HS3ST5: variants seen among roughly 807,000 people sequenced by gnomAD.
HS3ST5 encodes heparan sulfate glucosamine 3-O-sulfotransferase 5.
Under a neutral mutation model 25.4 loss-of-function variants are expected in HS3ST5, and 10 were observed. The ratio of observed to expected loss-of-function variants is 0.39; its 90% CI spans 0.24 to 0.67. The LOEUF (loss-of-function observed/expected upper bound fraction) is 0.67. HS3ST5 is among the 30% of genes least tolerant of loss of function. HS3ST5 has a pLI of 0.44. For missense variants in HS3ST5, 324 were observed against 420.7 expected (o/e 0.77, Z 2.01); for synonymous variants, 170 against 162.4 (o/e 1.05, Z -0.36).
At chr6:114,265,598 A>T (rs1773372055) in intron 1 of HS3ST5, among the ~76,000 whole-genome samples, 1 of 152,188 alleles carries the variant, frequency 6.6e-6, no homozygotes, top group African/African-American at 2.4e-5. Flanking sequence ...CAAGTTTTTA[A>T]GCAAGCAAGA....
chr6:114,314,993 A>C (rs1483440990), intron 1 of HS3ST5, among the ~76,000 whole-genome samples: 4 of 152,194 alleles, frequency 2.6e-5, no homozygotes, highest in African/African-American at 9.6e-5. Context: ...AGTAAGATTA[A>C]AATTAACATA....
chr6:114,058,823 T>C (rs1470302225), intron 4 of HS3ST5: 1 of 106,278 alleles, frequency 9.4e-6, no homozygotes, highest in Non-Finnish European at 1.9e-5. Context: ...CTTCTGCCTC[T>C]CTTTCTCTTT....
At chr6:114,073,237 A>G (rs1437388063) in intron 3 of HS3ST5, among the ~76,000 whole-genome samples, 4 of 152,210 alleles carry the variant, frequency 2.6e-5, no homozygotes, top group African/African-American at 9.6e-5. Context: ...ATGGGCAAAG[A>G]CTTCATGACT....
chr6:114,078,389 T>C (rs541502663), intron 3 of HS3ST5, among the ~76,000 whole-genome samples: 1 of 152,172 alleles, frequency 6.6e-6, no homozygotes, highest in African/African-American at 2.4e-5. Flanking sequence ...GTATTTTTTT[T>C]AGTAGAGACG....
At chr6:114,102,704 T>C (rs1775793125) in intron 3 of HS3ST5, among the ~76,000 whole-genome samples, 1 of 152,188 alleles carries the variant, frequency 6.6e-6, no homozygotes, top group Non-Finnish European at 1.5e-5. Flanking sequence ...ATAATCTTAG[T>C]TCAAACTCCA....
chr6:114,155,032 C>G (rs1285836677), intron 3 of HS3ST5, among the ~76,000 whole-genome samples: 1 of 152,192 alleles, frequency 6.6e-6, no homozygotes, highest in Non-Finnish European at 1.5e-5. Flanking sequence ...GCCATGCATT[C>G]TGTGCACTGC....
intron 2 of HS3ST5, among the ~76,000 whole-genome samples, chr6:114,188,358 G>A (rs1220396248): frequency 6.6e-6 from 1 of 152,188 alleles, no homozygotes; most frequent in South Asian, 2.1e-4. Flanking sequence ...ACAATTGATA[G>A]TTACATGTTT....
intron 3 of HS3ST5, among the ~76,000 whole-genome samples, chr6:114,107,619 CTG>C (rs1341860403): frequency 6.6e-6 from 1 of 152,126 alleles, no homozygotes; most frequent in African/African-American, 2.4e-5. Context: ...CATAGAAAGA[CTG>C]ATGGAATTTA....
At chr6:114,060,729 A>G (rs1309456858) in intron 4 of HS3ST5, among the ~76,000 whole-genome samples, 1 of 152,146 alleles carries the variant, frequency 6.6e-6, no homozygotes, top group Non-Finnish European at 1.5e-5. Context: ...GAATTTCCCC[A>G]CTTGTAGAAA....
At chr6:114,100,280 C>G (rs530997441) in intron 3 of HS3ST5, among the ~76,000 whole-genome samples, 1 of 152,000 alleles carries the variant, frequency 6.6e-6, no homozygotes, top group Admixed American at 6.6e-5. Flanking sequence ...ACGTTCTCCA[C>G]GCAGAGATTG....
chr6:114,085,869 A>C (rs574203203), intron 3 of HS3ST5, among the ~76,000 whole-genome samples: 21 of 151,772 alleles, frequency 1.4e-4, no homozygotes, highest in African/African-American at 4.8e-4. Flanking sequence ...CTATTCTACC[A>C]TACTATCAGA....
At chr6:114,174,373 G>A (rs1779617431) in intron 2 of HS3ST5, among the ~76,000 whole-genome samples, 2 of 151,992 alleles carry the variant, frequency 1.3e-5, no homozygotes, top group African/African-American at 4.8e-5. Context: ...CCACCAGAGT[G>A]TAAGCAGCAT....
intron 1 of HS3ST5, among the ~76,000 whole-genome samples, chr6:114,285,970 C>A (rs1774321744): frequency 6.6e-6 from 1 of 151,582 alleles, no homozygotes; most frequent in Non-Finnish European, 1.5e-5. Context: ...CAGTCTGATC[C>A]CATTTATTAA....
chr6:114,069,396 G>A (rs758706709), intron 3 of HS3ST5, among the ~76,000 whole-genome samples: 8 of 151,688 alleles, frequency 5.3e-5, no homozygotes, highest in Admixed American at 4.6e-4. Flanking sequence ...TTTTACCCAA[G>A]GGCTGTGGTT....
At chr6:114,161,453 T>C (rs975862541) in intron 3 of HS3ST5, among the ~76,000 whole-genome samples, 3 of 140,950 alleles carry the variant, frequency 2.1e-5, no homozygotes, top group Non-Finnish European at 4.6e-5. Context: ...GAAGCCATGA[T>C]ATGTTTTACC....
At chr6:114,319,145 C>T (rs2114872531) in intron 1 of HS3ST5, among the ~76,000 whole-genome samples, 1 of 152,246 alleles carries the variant, frequency 6.6e-6, no homozygotes. Flanking sequence ...AGTTTACTTA[C>T]ATGTTTCTGA....
At chr6:114,320,671 G>T (rs1775929016) in intron 1 of HS3ST5, among the ~76,000 whole-genome samples, 1 of 151,914 alleles carries the variant, frequency 6.6e-6, no homozygotes, top group Non-Finnish European at 1.5e-5. Flanking sequence ...GGAAGCTCTG[G>T]CCAGGTAGAG....
intron 2 of HS3ST5, among the ~76,000 whole-genome samples, chr6:114,196,573 T>C (rs1333131740): frequency 6.6e-6 from 1 of 151,784 alleles, no homozygotes; most frequent in Non-Finnish European, 1.5e-5. Context: ...GGAGCGGCCC[T>C]CGTGAAGTCT....
intron 3 of HS3ST5, among the ~76,000 whole-genome samples, chr6:114,160,198 T>C (rs1485101846): frequency 6.6e-6 from 1 of 152,064 alleles, no homozygotes; most frequent in East Asian, 1.9e-4. Context: ...GAAGATAGTA[T>C]ACAGGGTACT....
Sources: gnomAD v4.1 joint callset for allele counts (sites outside exome capture counted in the v4.1 genomes callset) on GRCh38, gnomAD v4.1.1 for gene constraint, MANE v1.5 for transcripts, NCBI Gene and HGNC (gene_info 2026-07-23, HGNC 2026-07-21) for gene names.